Variants in CNTN5 observed in about 807,000 individuals in gnomAD.
The protein encoded by CNTN5 is contactin-5.
A neutral mutation model predicts 129.1 loss-of-function variants in CNTN5; 77 were observed. The observed-to-expected ratio is 0.60, with a 90% CI of 0.50 to 0.72. The LOEUF is 0.72. Ranked by LOEUF, CNTN5 falls within the 30% of genes least tolerant of loss-of-function variation. CNTN5 has a pLI of 0.00. For synonymous variants in CNTN5, 509 were observed against 465.6 expected (o/e 1.09, Z -1.20); for missense variants, 1,478 against 1,328.8 (o/e 1.11, Z -1.75).
chr11:99,851,660 G>T (rs1404365647), intron 6 of CNTN5, among the ~76,000 whole-genome samples: 2 of 152,200 alleles, frequency 1.3e-5, no homozygotes. Context: ...TAAATTGATA[G>T]TTCCTATCTA....
chr11:99,376,678 T>C (rs1940202681), intron 2 of CNTN5, among the ~76,000 whole-genome samples: 1 of 152,086 alleles, frequency 6.6e-6, no homozygotes. Flanking sequence ...GTAAATAGAC[T>C]TTACCCCAGT....
chr11:100,291,263 T>A (rs1950960048), intron 18 of CNTN5, among the ~76,000 whole-genome samples: 1 of 151,994 alleles, frequency 6.6e-6, no homozygotes, highest in South Asian at 2.1e-4. Flanking sequence ...ACTGGGTATA[T>A]ACCCAATGGA....
intron 3 of CNTN5, among the ~76,000 whole-genome samples, chr11:99,818,260 AC>A (rs1946658293): frequency 7.6e-6 from 1 of 131,298 alleles, no homozygotes; most frequent in African/African-American, 2.6e-5. Context: ...GAACAAAACT[AC>A]CTTTTTTTTT....
At chr11:99,560,575 G>A (rs371234874) in intron 3 of CNTN5, among the ~76,000 whole-genome samples, 46 of 152,240 alleles carry the variant, frequency 3.0e-4, no homozygotes, top group African/African-American at 5.3e-4. Flanking sequence ...ACAGGCGTGA[G>A]CCACCGCGCC....
intron 18 of CNTN5, among the ~76,000 whole-genome samples, chr11:100,273,982 C>T (rs928833166): frequency 2.0e-5 from 3 of 152,126 alleles, no homozygotes; most frequent in African/African-American, 7.2e-5. Context: ...TACTACAGCG[C>T]TACAGTAACC....
At chr11:99,820,914 G>T (rs1309665136) in intron 4 of CNTN5, among the ~76,000 whole-genome samples, 1 of 152,216 alleles carries the variant, frequency 6.6e-6, no homozygotes, top group Non-Finnish European at 1.5e-5. Context: ...AGGTTGTGGT[G>T]CCAGGTGCAG....
chr11:100,080,614 T>C lies in CNTN5; in HGVS notation c.1580+6320T>C, dbSNP rs188095010. Among the ~76,000 whole-genome samples, 107 of 152,296 alleles carry C rather than the reference T, an allele frequency of 7.0e-4. 1 individual carries two copies. Among genetic ancestry groups the C allele is most frequent in the African/African-American group, 2.3e-3 (95 of 41,592 alleles). ...ATTTTATCTATGGAAGAAGAATTCA[T>C]GGGTATAATTAGGGCCCTGTTTTTG... On this transcript the variant is annotated intron_variant, in intron 13 of 24. Coordinates refer to ENST00000524871, the MANE Select transcript of CNTN5 (RefSeq NM_014361.4).
intron 2 of CNTN5, among the ~76,000 whole-genome samples, chr11:99,344,404 T>C (rs990209462): frequency 6.6e-6 from 1 of 152,168 alleles, no homozygotes; most frequent in Non-Finnish European, 1.5e-5. Flanking sequence ...AGAAAACTCT[T>C]GTTACTAATC....
intron 13 of CNTN5, among the ~76,000 whole-genome samples, chr11:100,106,910 T>C (rs993146744): frequency 5.9e-5 from 9 of 152,182 alleles, no homozygotes; most frequent in African/African-American, 2.2e-4. Flanking sequence ...ATTCACTGTA[T>C]GACATCTTAC....
At chr11:99,404,180 C>CT (rs915391143) in intron 2 of CNTN5, among the ~76,000 whole-genome samples, 8 of 151,078 alleles carry the variant, frequency 5.3e-5, no homozygotes, top group South Asian at 2.1e-4. Context: ...GCTGTTTCTG[C>CT]TTTTTTTTGG....
At chr11:100,117,733 A>AT (rs35344045) in intron 13 of CNTN5, among the ~76,000 whole-genome samples, 60,666 of 148,372 alleles carry the variant, frequency 0.41, 13,709 homozygotes, top group East Asian at 0.72. Flanking sequence ...TTTGCAGGGC[A>AT]TTTTTTTTTT....
intron 10 of CNTN5, among the ~76,000 whole-genome samples, chr11:100,062,895 G>C (rs1943540783): frequency 6.6e-6 from 1 of 152,104 alleles, no homozygotes; most frequent in Admixed American, 6.6e-5. Context: ...GTACCCCAGT[G>C]GAGCAAAGAT....
chr11:99,023,626 T>C (rs893261916), intron 1 of CNTN5, among the ~76,000 whole-genome samples: 1 of 152,330 alleles, frequency 6.6e-6, no homozygotes, highest in Admixed American at 6.5e-5. Context: ...AAAACAAAGT[T>C]GTAGCAGAGT....
At chr11:99,743,922 A>G (rs562542682) in intron 3 of CNTN5, among the ~76,000 whole-genome samples, 1 of 152,186 alleles carries the variant, frequency 6.6e-6, no homozygotes, top group African/African-American at 2.4e-5. Context: ...AGTTATTCAG[A>G]AGCAGTAAAT....
At chr11:99,432,510 C>T (rs58967138) in intron 2 of CNTN5, among the ~76,000 whole-genome samples, 1,260 of 75,882 alleles carry the variant, frequency 0.017, 12 homozygotes, top group African/African-American at 0.039. Flanking sequence ...TTTTCTTTCT[C>T]TCTCTCTGTC....
chr11:99,238,261 A>G (rs116794199), intron 1 of CNTN5, among the ~76,000 whole-genome samples: 42 of 152,318 alleles, frequency 2.8e-4, no homozygotes, highest in African/African-American at 9.4e-4. Context: ...AATTTGGCTT[A>G]ATGCCTATAA....
intron 6 of CNTN5, among the ~76,000 whole-genome samples, chr11:99,868,082 G>A (rs1403876653): frequency 6.6e-6 from 1 of 152,124 alleles, no homozygotes; most frequent in Non-Finnish European, 1.5e-5. Context: ...TGGGCGTGGT[G>A]GCATATGCCT....
At chr11:99,906,133 C>T (rs1272704725) in intron 6 of CNTN5, among the ~76,000 whole-genome samples, 1 of 152,110 alleles carries the variant, frequency 6.6e-6, no homozygotes, top group East Asian at 1.9e-4. Context: ...TTATTTCTTC[C>T]TCATGCCTGA....
intron 1 of CNTN5, among the ~76,000 whole-genome samples, chr11:99,114,214 G>GC (rs140378865): frequency 6.6e-6 from 1 of 151,396 alleles, no homozygotes; most frequent in Non-Finnish European, 1.5e-5. Flanking sequence ...CTGCAGTACT[G>GC]ATTTATTTTA....
Sources: allele counts gnomAD v4.1 joint callset (sites outside exome capture counted in the v4.1 genomes callset), GRCh38; gene constraint gnomAD v4.1.1; transcripts MANE v1.5; gene names NCBI Gene and HGNC (gene_info 2026-07-23, HGNC 2026-07-21).